LRRC4C: variants seen among roughly 807,000 people sequenced by gnomAD.
LRRC4C encodes the protein leucine rich repeat containing 4C, also known as leucine-rich repeat-containing protein 4C.
A neutral mutation model predicts 33.6 loss-of-function variants in LRRC4C; 5 were observed. The ratio of observed to expected loss-of-function variants is 0.15; its 90% CI spans 0.08 to 0.31. The LOEUF (loss-of-function observed/expected upper bound fraction) is 0.31, where lower values mean the gene tolerates loss of function less well. Among genes scored for constraint, LRRC4C ranks in the 10% least tolerant of loss-of-function variants. LRRC4C has a pLI of 1.00. For synonymous variants in LRRC4C, 329 were observed against 302.0 expected, an observed-to-expected ratio of 1.09 and a Z score of -0.93; for missense variants, 560 against 796.7, an observed-to-expected ratio of 0.70 and a Z score of 3.58.
At chr11:40,788,280 C>G (rs1006867444) in intron 2 of LRRC4C, among the ~76,000 whole-genome samples, 7 of 151,596 alleles carry the variant, frequency 4.6e-5, no homozygotes, top group Non-Finnish European at 8.8e-5. Flanking sequence ...TAATATTCAA[C>G]CTCAATAAAG....
chr11:40,569,445 C>G (rs1291357825), intron 3 of LRRC4C, among the ~76,000 whole-genome samples: 1 of 152,118 alleles, frequency 6.6e-6, no homozygotes, highest in Non-Finnish European at 1.5e-5. Context: ...AGATTGAAAG[C>G]TCTTTCCTGA....
At chr11:40,581,098 T>C (rs1264307345) in intron 3 of LRRC4C, among the ~76,000 whole-genome samples, 1 of 152,252 alleles carries the variant, frequency 6.6e-6, no homozygotes, top group Non-Finnish European at 1.5e-5. Flanking sequence ...GCTTTTCCCA[T>C]TCTCCTCTCT....
At chr11:40,743,242 C>G (rs1430553148) in intron 2 of LRRC4C, among the ~76,000 whole-genome samples, 2 of 152,068 alleles carry the variant, frequency 1.3e-5, no homozygotes, top group African/African-American at 4.8e-5. Flanking sequence ...AAGGACCAGG[C>G]ACTTTGCTAA....
At chr11:40,306,568 A>G (rs1237333311) in intron 4 of LRRC4C, among the ~76,000 whole-genome samples, 2 of 151,830 alleles carry the variant, frequency 1.3e-5, no homozygotes, top group Non-Finnish European at 2.9e-5. Context: ...GATCCTGACC[A>G]CTCTTCCCAT....
intron 3 of LRRC4C, among the ~76,000 whole-genome samples, chr11:40,573,466 A>G (rs576269277): frequency 6.6e-6 from 1 of 152,294 alleles, no homozygotes; most frequent in East Asian, 1.9e-4. Flanking sequence ...ATGTCCACCA[A>G]GCCTGTCTTC....
intron 3 of LRRC4C, among the ~76,000 whole-genome samples, chr11:40,592,188 G>A (rs1959089935): frequency 6.6e-6 from 1 of 152,168 alleles, no homozygotes. Flanking sequence ...ACAGTAAATG[G>A]CAAAAGTAAC....
At chr11:41,013,432 T>C (rs969037458) in intron 1 of LRRC4C, among the ~76,000 whole-genome samples, 2 of 152,210 alleles carry the variant, frequency 1.3e-5, no homozygotes, top group African/African-American at 4.8e-5. Context: ...CAATTATTAA[T>C]GATAATATGA....
At chr11:40,309,449 G>GTTA (rs1225011993) in intron 4 of LRRC4C, among the ~76,000 whole-genome samples, 9 of 151,404 alleles carry the variant, frequency 5.9e-5, no homozygotes, top group African/African-American at 1.7e-4. Context: ...TTTTATTTCA[G>GTTA]TTATTATTAT....
chr11:40,821,430 G>A lies in LRRC4C; in HGVS notation c.-407+112205C>T, dbSNP rs543276845. Among the ~76,000 whole-genome samples the A allele has an allele frequency of 1.6e-4, 25 of 151,532 alleles. No homozygotes were observed. The South Asian group carries it at 2.7e-3, about 16-fold the overall frequency. On this transcript the variant is annotated intron_variant, in intron 2 of 6. Coordinates refer to ENST00000528697, the MANE Select transcript of LRRC4C (RefSeq NM_001258419.2). ...ACAATAATCAAGGCAGGGTATAATC[G>A]GTGCCAGGATATGAATAAAAATAAA...
intron 3 of LRRC4C, among the ~76,000 whole-genome samples, chr11:40,349,515 T>C (rs1203502433): frequency 6.6e-6 from 1 of 152,136 alleles, no homozygotes; most frequent in South Asian, 2.1e-4. Flanking sequence ...CTATTGTGGA[T>C]AGTGCTGCAA....
chr11:41,221,561 A>C (rs1947307533), intron 1 of LRRC4C, among the ~76,000 whole-genome samples: 1 of 152,168 alleles, frequency 6.6e-6, no homozygotes, highest in South Asian at 2.1e-4. Context: ...TATATACCCA[A>C]AGGAGTATAA....
intron 3 of LRRC4C, among the ~76,000 whole-genome samples, chr11:40,637,271 A>G (rs1941811760): frequency 1.3e-5 from 2 of 152,172 alleles, no homozygotes; most frequent in African/African-American, 2.4e-5. Flanking sequence ...TTTGTATGTG[A>G]AATAATTTGC....
intron 1 of LRRC4C, among the ~76,000 whole-genome samples, chr11:41,284,837 A>G (rs1423831898): frequency 6.6e-6 from 1 of 152,200 alleles, no homozygotes; most frequent in Non-Finnish European, 1.5e-5. Context: ...TTGAAAAAGC[A>G]ACTCACATAT....
At chr11:40,390,422 G>C (rs988437347) in intron 3 of LRRC4C, among the ~76,000 whole-genome samples, 2 of 152,086 alleles carry the variant, frequency 1.3e-5, no homozygotes, top group Non-Finnish European at 2.9e-5. Flanking sequence ...TCTCAGGCTA[G>C]GATCCCTGTG....
intron 1 of LRRC4C, among the ~76,000 whole-genome samples, chr11:41,132,703 A>G (rs1241668602): frequency 1.3e-5 from 2 of 152,072 alleles, no homozygotes; most frequent in South Asian, 2.1e-4. Flanking sequence ...TTTTATTTTT[A>G]TGATAATAAT....
intron 1 of LRRC4C, among the ~76,000 whole-genome samples, chr11:41,022,050 G>A (rs1264842176): frequency 1.3e-5 from 2 of 151,098 alleles, no homozygotes; most frequent in South Asian, 2.1e-4. Context: ...GACTTGAATC[G>A]ATATTCACCA....
At chr11:40,681,456 AG>A (rs1944680791) in intron 2 of LRRC4C, among the ~76,000 whole-genome samples, 1 of 152,228 alleles carries the variant, frequency 6.6e-6, no homozygotes, top group Non-Finnish European at 1.5e-5. Context: ...GTGCTTATGT[AG>A]GAATTTCTAT....
At chr11:41,167,797 A>G (rs1944795998) in intron 1 of LRRC4C, among the ~76,000 whole-genome samples, 2 of 152,296 alleles carry the variant, frequency 1.3e-5, no homozygotes, top group South Asian at 2.1e-4. Flanking sequence ...GCTCTCCTGC[A>G]ATGAATTTGC....
chr11:40,912,142 A>T (rs1956727599), intron 2 of LRRC4C, among the ~76,000 whole-genome samples: 1 of 152,244 alleles, frequency 6.6e-6, no homozygotes, highest in South Asian at 2.1e-4. Context: ...ATCCAGGAGA[A>T]CTTCCCCAAT....
Sources: allele counts gnomAD v4.1 joint callset (sites outside exome capture counted in the v4.1 genomes callset), GRCh38; gene constraint gnomAD v4.1.1; transcripts MANE v1.5; gene names NCBI Gene and HGNC (gene_info 2026-07-23, HGNC 2026-07-21).